DACH2: variants seen among roughly 807,000 people sequenced by gnomAD.
The protein encoded by DACH2 is dachshund family transcription factor 2, also known as dachshund homolog 2.
Under a neutral mutation model 35.8 loss-of-function variants are expected in DACH2, and 17 were observed. The observed-to-expected ratio is 0.48, with a 90% CI of 0.33 to 0.71. The LOEUF is 0.71. Ranked by LOEUF, DACH2 falls within the 30% of genes least tolerant of loss-of-function variation. The pLI is 0.02. For synonymous variants in DACH2, 195 were observed against 177.3 expected, an observed-to-expected ratio of 1.10 and a Z score of -0.79; for missense variants, 469 against 472.7, an observed-to-expected ratio of 0.99 and a Z score of 0.07.
chrX:86,151,114 C>T (rs767981289), intron 1 of DACH2, among the ~76,000 whole-genome samples: 4 of 110,749 alleles, frequency 3.6e-5, no homozygotes, highest in African/African-American at 1.3e-4. Flanking sequence ...GGAAACTTTT[C>T]CTAATTTTTA....
intron 1 of DACH2, among the ~76,000 whole-genome samples, chrX:86,199,702 T>C (rs1602277277): frequency 1.8e-5 from 2 of 111,521 alleles, no homozygotes; most frequent in African/African-American, 6.5e-5. Context: ...GTAGCTATTG[T>C]AAACAATAGT....
At chrX:86,317,737 C>G (rs1023417891) in intron 1 of DACH2, among the ~76,000 whole-genome samples, 1 of 111,377 alleles carries the variant, frequency 9.0e-6, no homozygotes, top group Admixed American at 9.5e-5. Flanking sequence ...TCAGATGGGA[C>G]TTTTTAAAGC....
intron 5 of DACH2, among the ~76,000 whole-genome samples, chrX:86,697,993 G>T (rs1330285700): frequency 1.8e-5 from 2 of 111,338 alleles, no homozygotes; most frequent in African/African-American, 6.5e-5. Flanking sequence ...CACTAAGTAG[G>T]ATAAATACCA....
At chrX:86,295,530 G>A (rs919823220) in intron 1 of DACH2, among the ~76,000 whole-genome samples, 1 of 111,650 alleles carries the variant, frequency 9.0e-6, no homozygotes, top group Non-Finnish European at 1.9e-5. Context: ...TGTCTTTCAA[G>A]TTTATTTGCG....
chrX:86,550,431 A>G (rs1046315958), intron 3 of DACH2, among the ~76,000 whole-genome samples: 2 of 111,180 alleles, frequency 1.8e-5, no homozygotes, highest in African/African-American at 6.5e-5. Flanking sequence ...CTAGGAGTAA[A>G]CTATTAGATA....
intron 1 of DACH2, among the ~76,000 whole-genome samples, chrX:86,260,125 CA>C (rs913935335): frequency 3.6e-5 from 4 of 110,432 alleles, no homozygotes; most frequent in Non-Finnish European, 7.6e-5. Flanking sequence ...CAATATCAAA[CA>C]TATGATTAAT....
chrX:86,174,034 A>G (rs774295427), intron 1 of DACH2, among the ~76,000 whole-genome samples: 1 of 110,405 alleles, frequency 9.1e-6, no homozygotes, highest in Admixed American at 9.7e-5. Flanking sequence ...GGCATATACA[A>G]CTGGGAGGCT....
At chrX:86,643,172 GT>G (rs57842008) in intron 3 of DACH2, among the ~76,000 whole-genome samples, 34,378 of 84,262 alleles carry the variant, frequency 0.41, 5,755 homozygotes, top group Middle Eastern at 0.54. Flanking sequence ...TCCAGGAATT[GT>G]TTTTTTTTTT....
chrX:86,504,220 C>G (rs764398736), intron 2 of DACH2, among the ~76,000 whole-genome samples: 23 of 110,531 alleles, frequency 2.1e-4, no homozygotes, highest in Non-Finnish European at 4.0e-4. Flanking sequence ...GCATAGAGGT[C>G]AAGTTTCTCG....
chrX:86,211,270 G>T (rs758426552), intron 1 of DACH2, among the ~76,000 whole-genome samples: 1 of 111,550 alleles, frequency 9.0e-6, no homozygotes, highest in South Asian at 3.7e-4. Flanking sequence ...AAAGTTTGCC[G>T]CTCTGATTTT....
At chrX:86,322,739 C>T (rs909513860) in intron 1 of DACH2, among the ~76,000 whole-genome samples, 4 of 112,277 alleles carry the variant, frequency 3.6e-5, no homozygotes, top group African/African-American at 1.3e-4. Context: ...GCTTTATACT[C>T]TGCTGTTATA....
At chrX:86,409,946 G>C (rs987091280) in intron 2 of DACH2, among the ~76,000 whole-genome samples, 5 of 111,659 alleles carry the variant, frequency 4.5e-5, no homozygotes, top group African/African-American at 1.6e-4. Flanking sequence ...TTCCCCAAAG[G>C]CATTCTTAAT....
At chrX:86,477,992 T>C (rs1023369179) in intron 2 of DACH2, among the ~76,000 whole-genome samples, 8 of 111,852 alleles carry the variant, frequency 7.2e-5, no homozygotes, top group Non-Finnish European at 1.3e-4. Context: ...ATGAAAACTC[T>C]ACAGTTTAAC....
At chrX:86,386,224 A>C (rs1398917182) in intron 2 of DACH2, among the ~76,000 whole-genome samples, 1 of 111,338 alleles carries the variant, frequency 9.0e-6, no homozygotes, top group East Asian at 2.8e-4. Context: ...TATTTGTAGG[A>C]TGTCCCTCAA....
intron 3 of DACH2, among the ~76,000 whole-genome samples, chrX:86,552,725 C>A (rs760086255): frequency 9.4e-4 from 104 of 111,050 alleles, no homozygotes; most frequent in Non-Finnish European, 1.6e-3. Context: ...AACCTAGAGC[C>A]AATGTGAATC....
intron 1 of DACH2, among the ~76,000 whole-genome samples, chrX:86,233,609 G>A (rs2032995605): frequency 1.8e-5 from 2 of 111,720 alleles, no homozygotes; most frequent in Admixed American, 1.9e-4. Context: ...AGAAAGTTGT[G>A]TCTCTGGGAG....
At chrX:86,386,403 T>G (rs1026580772) in intron 2 of DACH2, among the ~76,000 whole-genome samples, 6 of 111,351 alleles carry the variant, frequency 5.4e-5, no homozygotes, top group Non-Finnish European at 9.5e-5. Flanking sequence ...GAAGTATCTG[T>G]CAGGTTTTTC....
chrX:86,395,815 C>G (rs1226880590), intron 2 of DACH2, among the ~76,000 whole-genome samples: 1 of 111,821 alleles, frequency 8.9e-6, no homozygotes, highest in Non-Finnish European at 1.9e-5. Flanking sequence ...GGTTCCAAGT[C>G]TTTGCTATTG....
intron 1 of DACH2, among the ~76,000 whole-genome samples, chrX:86,300,915 A>G (rs112061490): frequency 1.8e-5 from 2 of 112,318 alleles, no homozygotes; most frequent in African/African-American, 6.5e-5. Context: ...CCAGCTAAGA[A>G]AAGTTTTATT....
Sources: gnomAD v4.1 joint callset for allele counts (sites outside exome capture counted in the v4.1 genomes callset) on GRCh38, gnomAD v4.1.1 for gene constraint, MANE v1.5 for transcripts, NCBI Gene and HGNC (gene_info 2026-07-23, HGNC 2026-07-21) for gene names.